Variants in CNTROB observed in about 807,000 individuals in gnomAD.
CNTROB encodes the protein centrobin, centriole duplication and spindle assembly protein, also known as centrobin.
A neutral mutation model predicts 115.7 loss-of-function variants in CNTROB; 82 were observed. That is an observed-to-expected ratio of 0.71 (90% CI 0.59 to 0.85). The LOEUF is 0.85. Ranked by LOEUF, CNTROB falls within the 40% of genes least tolerant of loss-of-function variation. The pLI is 0.00. For synonymous variants in CNTROB, 439 were observed against 456.4 expected (o/e 0.96, Z 0.49); for missense variants, 1,014 against 1,144.4 (o/e 0.89, Z 1.64).
In CNTROB at chr17:7,934,517, T is replaced by C. The variant is rs756414954; in HGVS notation, c.408T>C (p.Phe136=). 1 of 1,614,164 alleles carries C rather than the reference T, an allele frequency of 6.2e-7. No homozygotes were observed. The highest frequency in any genetic ancestry group is 1.1e-5 in the South Asian group (1 of 91,086). Residue 136 remains phenylalanine (F), a synonymous_variant, in exon 3 of 19, where the codon TTT becomes TTC. Coordinates refer to ENST00000563694, the MANE Select transcript of CNTROB (RefSeq NM_053051.5). ...CAGAGAGACGGGAAGAGGACTCCTT[T>C]GACAGTGATAGCACAGCCACCTTGC... The part of the protein sequence containing the change: ...AGSERREEDS[F]DSDSTATLLN...
chr17:7,936,201 T>A, intron 4 of CNTROB, 165 bp from the exon 5 acceptor site: 1 of 626,716 alleles, frequency 1.6e-6, no homozygotes, highest in South Asian at 1.9e-5. Context: ...AGCCTCAAGG[T>A]GCTTGCTTCA....
chr17:7,933,198 C>T lies in CNTROB; in HGVS notation c.119C>T (p.Ala40Val), dbSNP rs1479637856. 6.2e-7 allele frequency: 1 copy of T among 1,614,248 alleles called. No homozygotes were observed. The highest frequency in any genetic ancestry group is 2.2e-5 in the East Asian group (1 of 44,888). Residue 40 changes from alanine to valine, a missense_variant, in exon 1 of 19, where the codon GCT becomes GTT. By Grantham distance (64) the Ala-to-Val change is moderately conservative. Transcript: ENST00000563694. Reference protein sequence around the residue: ...VSSEVTSQLYASLRLSRQAEA... With the variant: ...VSSEVTSQLYVSLRLSRQAEA... ...TCTGAAGTGACCTCCCAGCTCTATG[C>T]TTCTTTGCGCCTCAGCCGGCAGGCG...
In CNTROB at chr17:7,943,023, G is replaced by A. The variant is rs1171694058; in HGVS notation, c.1312-368G>A. Among the ~76,000 whole-genome samples the A allele has an allele frequency of 6.6e-6, 1 of 151,328 alleles. No individual in the cohort carries two copies. The highest frequency in any genetic ancestry group is 1.5e-5 in the Non-Finnish European group (1 of 67,848). ...TCACCGTGTTAGCCAAGATGGTCTC[G>A]ATCTCCTGACCTCGTGATCCGCCCG... On this transcript the variant is annotated intron_variant, in intron 9 of 18. Coordinates refer to ENST00000563694, the MANE Select transcript of CNTROB (RefSeq NM_053051.5). The surrounding 1 kb of genome is among the most constrained non-coding windows in gnomAD (Gnocchi z 4.7).
Position 7,936,369 on chromosome 17 carries a change from T to C in CNTROB, c.598T>C (p.Cys200Arg), listed in dbSNP as rs370506526. Residue 200 changes from cysteine to arginine, a missense_variant, in exon 5 of 19, where the codon TGT becomes CGT. Cys to Arg is a radical substitution (Grantham distance 180, BLOSUM62 -3). Transcript: ENST00000563694. Reference sequence around the variant, plus strand: ...GACTCCTCACCCTTTTCCCCAGCATTGTGAGCGCCATATTCAGAGCCTGCA... The same window carrying C: ...GACTCCTCACCCTTTTCCCCAGCATCGTGAGCGCCATATTCAGAGCCTGCA... Reference protein sequence around the residue: ...LDSEHTRRKHCERHIQSLQTR... With the variant: ...LDSEHTRRKHRERHIQSLQTR... 7.4e-7 allele frequency: 1 copy of C among 1,359,536 alleles called. No homozygotes were observed. The highest frequency in any genetic ancestry group is 1.7e-5 in the Admixed American group (1 of 59,696). The allele number at this position is 1,359,536 out of a possible 1,614,324, so 84.2% of individuals were successfully genotyped here.
Position 7,935,154 on chromosome 17 carries a change from C to G in CNTROB, c.594+9C>G. 1 of 1,614,076 alleles carries G rather than the reference C, an allele frequency of 6.2e-7. No individual in the cohort carries two copies. Among genetic ancestry groups the G allele is most frequent in the East Asian group, 2.2e-5 (1 of 44,888 alleles). ...AGCATACCCGCCGCAAGGTAAGATG[C>G]AAACGCTTCCTTTCGAAAGCAGCAA... On this transcript the variant is annotated intron_variant, in intron 4 of 18. Transcript: ENST00000563694.
chr17:7,939,609 CTGAG>C lies in CNTROB; in HGVS notation c.1029_1032del (p.Glu344IlefsTer11). ...GCGGGATGCAGCTCGGGCTGGGCAACTGAGTGAGCATCGAGAGTTGGAGACTCTT... is the reference window on the plus strand; with the variant it reads ...GCGGGATGCAGCTCGGGCTGGGCAACTGAGCATCGAGAGTTGGAGACTCTT... On this transcript the variant is annotated frameshift_variant, in exon 8 of 19. Coordinates refer to ENST00000563694, the MANE Select transcript of CNTROB (RefSeq NM_053051.5). LOFTEE classifies it high-confidence loss of function. This position sits in a 1 kb window ranked among gnomAD's most constrained non-coding sequence, Gnocchi z 4.4. The C allele has an allele frequency of 6.2e-7, 1 of 1,613,976 alleles. No individual in the cohort carries two copies. The highest frequency in any genetic ancestry group is 2.2e-5 in the East Asian group (1 of 44,856).
At position 7,934,208 on chromosome 17, in the gene CNTROB, G is replaced by A. The variant is rs765917310; in HGVS notation, c.341G>A (p.Arg114His). 5 of 1,613,866 alleles carry A rather than the reference G, an allele frequency of 3.1e-6. No homozygotes were observed. The highest frequency in any genetic ancestry group is 2.7e-5 in the African/African-American group (2 of 74,888). Residue 114 changes from arginine to histidine, a missense_variant, in exon 2 of 19, where the codon CGT becomes CAT. Transcript: ENST00000563694. ...GQLQTMLQTS[R>H]DTAYRDPLIP... The stretch of plus-strand genomic sequence containing the variant: ...CTCCAGACCATGCTCCAAACCTCAC[G>A]TGATACAGCCTATCGTGAGTAAGCC...
rs1160664512 is a variant in CNTROB, at chr17:7,939,489, C to G, written c.928-24C>G. 1 of 1,605,422 alleles carries G rather than the reference C, an allele frequency of 6.2e-7. No individual in the cohort carries two copies. Among genetic ancestry groups the G allele is most frequent in the South Asian group, 1.1e-5 (1 of 90,798 alleles). ...GGTCTCTGAAGAGCCTACTAAGGAG[C>G]TTGGTTTTCTTCTGCGGCTGTAGGA... On this transcript the variant is annotated intron_variant, in intron 7 of 18. Transcript: ENST00000563694. This position sits in a 1 kb window ranked among gnomAD's most constrained non-coding sequence, Gnocchi z 4.4.
chr17:7,936,493 A>G lies in CNTROB; in HGVS notation c.711+11A>G, dbSNP rs1208778188. On this transcript the variant is annotated intron_variant, in intron 5 of 18. Transcript: ENST00000563694. ...GAACAACTGGACAAGGTACCAGGGT[A>G]GCAAAATGTGGGTGGGTCTCTCCAT... 1 of 1,095,426 alleles carries G rather than the reference A, an allele frequency of 9.1e-7. No individual in the cohort carries two copies. Among genetic ancestry groups the G allele is most frequent in the Non-Finnish European group, 1.4e-6 (1 of 706,128 alleles). 67.9% of individuals were successfully genotyped at this position (1,095,426 alleles called of 1,614,324 possible).
chr17:7,933,441 T>C, intron 1 of CNTROB, 92 bp downstream of exon 1: 21 of 1,149,434 alleles, frequency 1.8e-5, no homozygotes, highest in Non-Finnish European at 2.3e-5. Flanking sequence ...TTTGATGAGA[T>C]TTGAACTCTT....
rs142378297 is a variant in CNTROB, at chr17:7,934,476, A to C, written c.367A>C (p.Ile123Leu). The part of the protein sequence containing the change: ...SRDTAYRDPL[I>L]PGAGSERREE... ...CTGGCTGCCTGCAGGGGATCCTCTC[A>C]TTCCTGGCGCTGGCTCAGAGAGACG... The change falls in exon 3 of 19, where the codon ATT becomes CTT. Residue 123 changes from isoleucine to leucine, a missense_variant. Ile to Leu is a conservative substitution (Grantham distance 5). Coordinates refer to ENST00000563694, the MANE Select transcript of CNTROB (RefSeq NM_053051.5). 195 of 1,614,118 alleles carry C rather than the reference A, an allele frequency of 1.2e-4. 1 individual carries two copies. In the African/African-American group the frequency reaches 2.2e-3, roughly 18 times the overall value.
At chr17:7,933,926 A>G (rs1034095683) in intron 1 of CNTROB, among the ~76,000 whole-genome samples, 7 of 151,796 alleles carry the variant, frequency 4.6e-5, no homozygotes, top group African/African-American at 1.5e-4. Context: ...AATCTCCGCA[A>G]CTCTTGTCTT....
chr17:7,936,958 C>G, intron 6 of CNTROB, 141 bp downstream of exon 6: 1 of 745,882 alleles, frequency 1.3e-6, no homozygotes, highest in Admixed American at 2.3e-5. Context: ...CTTCTCATCC[C>G]TCCTTTCTTC....
rs768826526 is a variant in CNTROB at position 7,943,845 on chromosome 17, C to T, written c.1446-278C>T. Among the ~76,000 whole-genome samples, 4 of 152,172 alleles carry T rather than the reference C, an allele frequency of 2.6e-5. No homozygotes were observed. Among genetic ancestry groups the T allele is most frequent in the African/African-American group, 4.8e-5 (2 of 41,428 alleles). ...TGTGCTGTCTCCAGAGCTGCTCTGTCGGACTGAGCCTCCTCGCAGCCTGGC... is the reference window on the plus strand; with the variant it reads ...TGTGCTGTCTCCAGAGCTGCTCTGTTGGACTGAGCCTCCTCGCAGCCTGGC... On this transcript the variant is annotated intron_variant, in intron 10 of 18. Coordinates refer to ENST00000563694, the MANE Select transcript of CNTROB (RefSeq NM_053051.5). This position sits in a 1 kb window ranked among gnomAD's most constrained non-coding sequence, Gnocchi z 4.7.
In CNTROB at chr17:7,949,607, A is replaced by C. The variant is rs2151788867; in HGVS notation, c.*97A>C. ...GAGTCTCTGGCTCATAGGAATTTGGAAAATAGAGGTTTTGTAGGGAATCAC... is the reference window on the plus strand; with the variant it reads ...GAGTCTCTGGCTCATAGGAATTTGGCAAATAGAGGTTTTGTAGGGAATCAC... On this transcript the variant is annotated 3_prime_UTR_variant, in exon 19 of 19. Transcript: ENST00000563694. 1 of 1,310,220 alleles carries C rather than the reference A, an allele frequency of 7.6e-7. No individual in the cohort carries two copies. Among genetic ancestry groups the C allele is most frequent in the Non-Finnish European group, 1.0e-6 (1 of 989,648 alleles). 81.2% of individuals were successfully genotyped at this position (1,310,220 alleles called of 1,614,324 possible).
rs1027970323 is a variant in CNTROB at position 7,932,917 on chromosome 17, C to A, written c.-163C>A. The A allele has an allele frequency of 2.7e-6, 2 of 748,214 alleles. No individual in the cohort carries two copies. The highest frequency in any genetic ancestry group is 4.3e-6 in the Non-Finnish European group (2 of 466,492). 46.3% of individuals were successfully genotyped at this position (748,214 alleles called of 1,614,324 possible). Reference sequence around the variant, plus strand: ...GCCCCTGGAACTGGTGGAAACCTTTCCTCTAACCAGAAAGCCTCGATATCC... The same window carrying A: ...GCCCCTGGAACTGGTGGAAACCTTTACTCTAACCAGAAAGCCTCGATATCC... On this transcript the variant is annotated 5_prime_UTR_variant, in exon 1 of 19. Transcript: ENST00000563694.
intron 13 of CNTROB, 68 bp downstream of exon 13, chr17:7,946,054 G>A: frequency 7.2e-7 from 1 of 1,395,596 alleles, no homozygotes; most frequent in Non-Finnish European, 1.0e-6. Flanking sequence ...TTCGTACCCT[G>A]CTTTCTGTCT....
Position 7,948,364 on chromosome 17 carries a change from G to T in CNTROB, c.2380+37G>T. ...CTGGTTTATTAGGGAAAAAAGGAGG[G>T]ACAGTCCTGAGTGTGGATCCAGTAC... On this transcript the variant is annotated intron_variant, in intron 16 of 18. Transcript: ENST00000563694. The surrounding 1 kb of genome is among the most constrained non-coding windows in gnomAD (Gnocchi z 4.4). 9 of 1,612,474 alleles carry T rather than the reference G, an allele frequency of 5.6e-6. No homozygotes were observed. The highest frequency in any genetic ancestry group is 6.8e-6 in the Non-Finnish European group (8 of 1,178,498).
At position 7,948,857 on chromosome 17, in the gene CNTROB, GT is replaced by G; in HGVS notation, c.2514-221del. 2 of 1,455,854 alleles carry G rather than the reference GT, an allele frequency of 1.4e-6. No homozygotes were observed. The highest frequency in any genetic ancestry group is 2.5e-5 in the East Asian group (1 of 40,158). 90.2% of individuals were successfully genotyped at this position (1,455,854 alleles called of 1,614,324 possible). A position where few individuals can be genotyped will look rare whatever the true frequency, so the allele number is the denominator to read the frequency against. ...CTTTTCCCCGGGTCTCTCTACCTTC[GT>G]TTTTTTCCTCTTTACCCCTCAGCTC... On this transcript the variant is annotated intron_variant, in intron 17 of 18. Coordinates refer to ENST00000563694, the MANE Select transcript of CNTROB (RefSeq NM_053051.5). This position sits in a 1 kb window ranked among gnomAD's most constrained non-coding sequence, Gnocchi z 4.4.
Sources: gnomAD v4.1 joint callset for allele counts (sites outside exome capture counted in the v4.1 genomes callset) on GRCh38, gnomAD v4.1.1 for gene constraint, Gnocchi (gnomAD v3.1) non-coding constraint, MANE v1.5 for transcripts, NCBI Gene and HGNC (gene_info 2026-07-23, HGNC 2026-07-21) for gene names.